CACNA1C: variants seen among roughly 807,000 people sequenced by gnomAD.
The protein encoded by CACNA1C is calcium voltage-gated channel subunit alpha1 C.
A neutral mutation model predicts 229.0 loss-of-function variants in CACNA1C; 30 were observed. That is an observed-to-expected ratio of 0.13 (90% CI 0.10 to 0.18). The LOEUF (loss-of-function observed/expected upper bound fraction) is 0.18, where lower values mean the gene tolerates loss of function less well. Ranked by LOEUF, CACNA1C falls within the 10% of genes least tolerant of loss-of-function variation. The probability of loss-of-function intolerance (pLI) is 1.00; values close to 1 mark genes in which losing one functional copy is unlikely to be tolerated. For missense variants in CACNA1C, 1,658 were observed against 2,845.0 expected, an observed-to-expected ratio of 0.58 and a Z score of 9.49; for synonymous variants, 1,114 against 1,132.5, an observed-to-expected ratio of 0.98 and a Z score of 0.33.
At chr12:2,498,472 T>C (rs2099751705) in intron 7 of CACNA1C, among the ~76,000 whole-genome samples, 1 of 152,226 alleles carries the variant, frequency 6.6e-6, no homozygotes, top group Non-Finnish European at 1.5e-5. Flanking sequence ...GGGTTTCATT[T>C]TATTTATTTT....
chr12:2,275,887 G>A lies in CACNA1C; in HGVS notation c.477+155457G>A, dbSNP rs138771758. 9.9e-5 allele frequency among the ~76,000 whole-genome samples: 15 copies of A among 152,186 alleles called. No homozygotes were observed. The East Asian group carries it at 1.4e-3, about 14-fold the overall frequency. On this transcript the variant is annotated intron_variant, in intron 3 of 46. Transcript: ENST00000399655. This position sits in a 1 kb window ranked among gnomAD's most constrained non-coding sequence, Gnocchi z 4.1. ...AAAAAACATGGGTTTTGAGCCAGAC[G>A]GAAAGTCATCAAGCCCAGTTACAGT... is the stretch of plus-strand genomic sequence containing the variant.
intron 3 of CACNA1C, among the ~76,000 whole-genome samples, chr12:2,434,545 G>A (rs542229507): frequency 4.6e-5 from 7 of 152,310 alleles, no homozygotes; most frequent in Non-Finnish European, 7.4e-5. Context: ...CGCCGTGGAC[G>A]TCCCACTACA....
intron 3 of CACNA1C, among the ~76,000 whole-genome samples, chr12:2,163,927 C>T (rs1032048330): frequency 1.3e-5 from 2 of 152,158 alleles, no homozygotes; most frequent in African/African-American, 4.8e-5. Flanking sequence ...GTTCACGTTC[C>T]CGTGTGGAGT....
At chr12:2,208,438 G>A (rs77372211) in intron 3 of CACNA1C, among the ~76,000 whole-genome samples, 12,404 of 152,228 alleles carry the variant, frequency 0.081, 553 homozygotes, top group Middle Eastern at 0.11. Flanking sequence ...TCTTGATGAG[G>A]GCTGCCCATG....
intron 3 of CACNA1C, among the ~76,000 whole-genome samples, chr12:2,349,474 ATGCT>A (rs2097144548): frequency 6.6e-6 from 1 of 152,194 alleles, no homozygotes; most frequent in African/African-American, 2.4e-5. Flanking sequence ...TTACAAGCAG[ATGCT>A]TGCCTCTGCC....
intron 1 of CACNA1C, among the ~76,000 whole-genome samples, chr12:2,065,702 A>G (rs1315750022): frequency 6.6e-6 from 1 of 152,206 alleles, no homozygotes; most frequent in Non-Finnish European, 1.5e-5. Flanking sequence ...AGATGGAATA[A>G]ATGGAGGAAG....
chr12:2,565,345 T>C (rs2050058294), intron 11 of CACNA1C, among the ~76,000 whole-genome samples: 1 of 151,722 alleles, frequency 6.6e-6, no homozygotes, highest in Non-Finnish European at 1.5e-5. Context: ...CGGGCGCCTG[T>C]AGTCCCAGCT....
At chr12:2,669,166 G>A in intron 38 of CACNA1C, 131 bp downstream of exon 38, 1 of 713,834 alleles carries the variant, frequency 1.4e-6, no homozygotes, top group South Asian at 1.5e-5. Context: ...GGATACGGGG[G>A]TAACGTGCGC....
intron 3 of CACNA1C, among the ~76,000 whole-genome samples, chr12:2,205,886 G>A (rs747847098): frequency 2.6e-5 from 4 of 152,216 alleles, no homozygotes; most frequent in Non-Finnish European, 5.9e-5. Context: ...TCCTCATATA[G>A]TGGAAGGGGC....
intron 9 of CACNA1C, among the ~76,000 whole-genome samples, chr12:2,515,393 C>T (rs2099794436): frequency 6.6e-6 from 1 of 152,216 alleles, no homozygotes; most frequent in South Asian, 2.1e-4. Flanking sequence ...AACTATCTTC[C>T]TGTCTTGAGA....
intron 38 of CACNA1C, among the ~76,000 whole-genome samples, chr12:2,670,762 G>A (rs964507064): frequency 7.2e-5 from 11 of 151,918 alleles, no homozygotes; most frequent in Admixed American, 2.0e-4. Flanking sequence ...AGGAGGCTGA[G>A]GCAGGAGAAT....
rs1207201963 is a variant in CACNA1C at position 2,354,032 on chromosome 12, A to G, written c.478-94944A>G. Among the ~76,000 whole-genome samples, 1 of 152,176 alleles carries G rather than the reference A, an allele frequency of 6.6e-6. No homozygotes were observed. The highest frequency in any genetic ancestry group is 1.5e-5 in the Non-Finnish European group (1 of 68,022). ...TAGAGGAAGGAGAATCTGGAGACAA[A>G]TGCCTGCCCAGCGACCACTGCAGGG... On this transcript the variant is annotated intron_variant, in intron 3 of 46. Coordinates refer to ENST00000399655, the MANE Select transcript of CACNA1C (RefSeq NM_000719.7). The surrounding 1 kb of genome is among the most constrained non-coding windows in gnomAD (Gnocchi z 4.6).
rs562137062 is a variant in CACNA1C at position 2,554,841 on chromosome 12, T to G, written c.1482-2110T>G. Among the ~76,000 whole-genome samples, 4 of 152,318 alleles carry G rather than the reference T, an allele frequency of 2.6e-5. No individual in the cohort carries two copies. In the East Asian group the frequency reaches 7.7e-4, roughly 29 times the overall value. On this transcript the variant is annotated intron_variant, in intron 10 of 46. Coordinates refer to ENST00000399655, the MANE Select transcript of CACNA1C (RefSeq NM_000719.7). ...TCCAGACAAAAGCCGCTGAGCAGTG[T>G]CCTCCCCTTCGCAAGGAGTGGAGCC...
chr12:2,426,757 G>A (rs541522245), intron 3 of CACNA1C, among the ~76,000 whole-genome samples: 29 of 152,304 alleles, frequency 1.9e-4, no homozygotes, highest in Admixed American at 3.9e-4. Context: ...CTAGAGATAG[G>A]CAGTTCATAG....
rs1160188605 is a variant in CACNA1C at position 2,654,694 on chromosome 12, G to A, written c.4141-453G>A. On this transcript the variant is annotated intron_variant, in intron 33 of 46. Coordinates refer to ENST00000399655, the MANE Select transcript of CACNA1C (RefSeq NM_000719.7). This position sits in a 1 kb window ranked among gnomAD's most constrained non-coding sequence, Gnocchi z 4.4. ...GATAAGCACAGCTTTAAAAGACCAG[G>A]AAGAAAAGGGATTTCAGGAATGCAT... is the stretch of plus-strand genomic sequence containing the variant. Among the ~76,000 whole-genome samples, 4 of 152,206 alleles carry A rather than the reference G, an allele frequency of 2.6e-5. No homozygotes were observed. Among genetic ancestry groups the A allele is most frequent in the African/African-American group, 9.7e-5 (4 of 41,440 alleles).
intron 3 of CACNA1C, among the ~76,000 whole-genome samples, chr12:2,342,037 C>T (rs917866833): frequency 6.6e-6 from 1 of 152,144 alleles, no homozygotes; most frequent in Non-Finnish European, 1.5e-5. Context: ...TATTACAGGG[C>T]CCAGTCATTT....
chr12:2,392,146 C>G (rs1000425381), intron 3 of CACNA1C, among the ~76,000 whole-genome samples: 1 of 152,174 alleles, frequency 6.6e-6, no homozygotes, highest in South Asian at 2.1e-4. Flanking sequence ...AGAATTCTTA[C>G]AATTTTCAAG....
At chr12:2,322,409 G>A (rs1426802780) in intron 3 of CACNA1C, among the ~76,000 whole-genome samples, 1 of 152,190 alleles carries the variant, frequency 6.6e-6, no homozygotes, top group African/African-American at 2.4e-5. Flanking sequence ...GTATATTCCT[G>A]CCACCGTGGG....
At chr12:2,121,155 G>A (rs896014468) in intron 3 of CACNA1C, among the ~76,000 whole-genome samples, 5 of 152,186 alleles carry the variant, frequency 3.3e-5, no homozygotes, top group South Asian at 4.1e-4. Context: ...CAAAAGGCAT[G>A]CAGGGAAAAT....
Sources: allele counts gnomAD v4.1 joint callset (sites outside exome capture counted in the v4.1 genomes callset), GRCh38; gene constraint gnomAD v4.1.1; non-coding constraint Gnocchi (gnomAD v3.1); transcripts MANE v1.5; gene names NCBI Gene and HGNC (gene_info 2026-07-23, HGNC 2026-07-21).